The following CDH4 variants were observed in gnomAD, a reference collection of about 807,000 sequenced individuals.
The protein encoded by CDH4 is cadherin 4, also known as cadherin-4.
CDH4 carries 33 observed loss-of-function variants against 86.0 expected under a neutral mutation model. That is an observed-to-expected ratio of 0.38 (90% CI 0.29 to 0.51). CDH4 has a LOEUF of 0.51. Ranked by LOEUF, CDH4 falls within the 20% of genes least tolerant of loss-of-function variation. The pLI is 0.86. For synonymous variants in CDH4, 555 were observed against 549.4 expected (o/e 1.01, Z -0.14); for missense variants, 1,114 against 1,307.4 (o/e 0.85, Z 2.28).
chr20:61,520,203 G>A (rs1419148999), intron 2 of CDH4, among the ~76,000 whole-genome samples: 3 of 152,178 alleles, frequency 2.0e-5, no homozygotes, highest in Admixed American at 1.3e-4. Context: ...TCCAAGGCGG[G>A]GTGATAGTAG....
At chr20:61,290,727 C>A (rs1205868166) in intron 2 of CDH4, among the ~76,000 whole-genome samples, 2 of 152,142 alleles carry the variant, frequency 1.3e-5, no homozygotes, top group African/African-American at 4.8e-5. Context: ...AGAAGAGGAC[C>A]CAGCCACCCA....
chr20:61,715,647 T>C (rs1351257567), intron 2 of CDH4, among the ~76,000 whole-genome samples: 1 of 152,220 alleles, frequency 6.6e-6, no homozygotes, highest in Non-Finnish European at 1.5e-5. Context: ...TAAATTTGCC[T>C]CTAGGGACAG....
chr20:61,793,368 C>T (rs1021550914), intron 4 of CDH4, among the ~76,000 whole-genome samples: 4 of 152,158 alleles, frequency 2.6e-5, no homozygotes, highest in African/African-American at 9.7e-5. Flanking sequence ...GATGGTGGCC[C>T]TCCAAAGGCA....
intron 4 of CDH4, among the ~76,000 whole-genome samples, chr20:61,806,885 G>T (rs1485729119): frequency 6.6e-6 from 1 of 152,212 alleles, no homozygotes; most frequent in Non-Finnish European, 1.5e-5. Flanking sequence ...CTGGGGAGGG[G>T]TGGCCACAGG....
intron 2 of CDH4, among the ~76,000 whole-genome samples, chr20:61,671,089 G>T (rs1411599914): frequency 6.6e-6 from 1 of 152,184 alleles, no homozygotes; most frequent in Non-Finnish European, 1.5e-5. Context: ...TGGAGGGATG[G>T]GTAGATGGGT....
At position 61,331,394 on chromosome 20, in the gene CDH4, C is replaced by T. The variant is rs187208521; in HGVS notation, c.169+76457C>T. On this transcript the variant is annotated intron_variant, in intron 2 of 15. Transcript: ENST00000614565. ...GCTTAGCCTCTGTGTCCAGTCCCTT[C>T]GCCGGCACCCAGAGCCAACTCCCAC... is the stretch of plus-strand genomic sequence containing the variant. 2.3e-4 allele frequency among the ~76,000 whole-genome samples: 35 copies of T among 152,176 alleles called. No individual in the cohort carries two copies. In the East Asian group the frequency reaches 4.1e-3, roughly 18 times the overall value.
intron 2 of CDH4, among the ~76,000 whole-genome samples, chr20:61,348,062 A>G (rs550063938): frequency 7.4e-4 from 112 of 152,338 alleles, no homozygotes; most frequent in African/African-American, 2.5e-3. Flanking sequence ...GTTTCGCCCC[A>G]TAATGGTAAG....
intron 3 of CDH4, 104 bp downstream of exon 3, chr20:61,743,893 A>ACCT: frequency 1.2e-6 from 1 of 856,622 alleles, no homozygotes; most frequent in East Asian, 2.7e-5. Context: ...ACAGACAGTC[A>ACCT]CCTCCTCCTC....
intron 8 of CDH4, among the ~76,000 whole-genome samples, chr20:61,904,610 G>A (rs1039157751): frequency 1.3e-5 from 2 of 152,280 alleles, no homozygotes; most frequent in African/African-American, 2.4e-5. Flanking sequence ...GTGCTGCACC[G>A]AGTGCCCTGA....
chr20:61,361,044 G>C (rs1400507740), intron 2 of CDH4, among the ~76,000 whole-genome samples: 1 of 152,132 alleles, frequency 6.6e-6, no homozygotes, highest in Non-Finnish European at 1.5e-5. Flanking sequence ...TAGGAGAGGA[G>C]ACAGGAGACT....
intron 13 of CDH4, among the ~76,000 whole-genome samples, chr20:61,931,326 G>A (rs1264053064): frequency 2.0e-5 from 3 of 152,210 alleles, no homozygotes; most frequent in East Asian, 3.8e-4. Flanking sequence ...CCCTCTCCAC[G>A]ATCTGGGCCA....
chr20:61,520,146 A>G (rs570603636), intron 2 of CDH4, among the ~76,000 whole-genome samples: 3 of 152,282 alleles, frequency 2.0e-5, no homozygotes, highest in Admixed American at 1.3e-4. Flanking sequence ...AGAAATGCCC[A>G]TGTCCATGGA....
intron 3 of CDH4, among the ~76,000 whole-genome samples, chr20:61,749,995 A>T (rs367616117): frequency 2.8e-4 from 43 of 152,270 alleles, no homozygotes; most frequent in African/African-American, 9.6e-4. Flanking sequence ...CAGGGGACAG[A>T]GGTTGCAGTG....
chr20:61,809,395 C>T (rs2146043915), intron 4 of CDH4, among the ~76,000 whole-genome samples: 1 of 152,316 alleles, frequency 6.6e-6, no homozygotes, highest in African/African-American at 2.4e-5. Flanking sequence ...CCCAGGAAGA[C>T]AAGTTTACCT....
intron 4 of CDH4, among the ~76,000 whole-genome samples, chr20:61,790,315 A>T (rs1979107348): frequency 6.7e-6 from 1 of 150,140 alleles, no homozygotes; most frequent in South Asian, 2.1e-4. Context: ...CTATCCATCC[A>T]TTCATCCTTT....
chr20:61,553,552 T>C (rs1568889875), intron 2 of CDH4, among the ~76,000 whole-genome samples: 1 of 152,238 alleles, frequency 6.6e-6, no homozygotes, highest in Non-Finnish European at 1.5e-5. Context: ...AGCATGTGTA[T>C]GCATCTGTCT....
chr20:61,295,493 C>T (rs1009715281), intron 2 of CDH4, among the ~76,000 whole-genome samples: 1 of 152,178 alleles, frequency 6.6e-6, no homozygotes. Flanking sequence ...GCGACTGTTG[C>T]GGAGTGGAAG....
At chr20:61,583,500 A>C (rs1271632204) in intron 2 of CDH4, among the ~76,000 whole-genome samples, 1 of 151,988 alleles carries the variant, frequency 6.6e-6, no homozygotes, top group Non-Finnish European at 1.5e-5. Flanking sequence ...GAAGGCATCC[A>C]GGGGCAGGGG....
chr20:61,860,519 G>C (rs894103740), intron 6 of CDH4, among the ~76,000 whole-genome samples: 1 of 152,216 alleles, frequency 6.6e-6, no homozygotes, highest in Non-Finnish European at 1.5e-5. Context: ...GGGTGCAGGT[G>C]ATTTATGAAG....
Sources: allele counts gnomAD v4.1 joint callset (sites outside exome capture counted in the v4.1 genomes callset), GRCh38; gene constraint gnomAD v4.1.1; transcripts MANE v1.5; gene names NCBI Gene and HGNC (gene_info 2026-07-23, HGNC 2026-07-21).